The following KIR2DL4 variants were observed in gnomAD, a reference collection of about 807,000 sequenced individuals.
KIR2DL4 encodes the protein killer cell immunoglobulin-like receptor 2DL4.
Under a neutral mutation model 31.0 loss-of-function variants are expected in KIR2DL4, and 41 were observed. The observed-to-expected ratio is 1.32, with a 90% CI of 1.03 to 1.72. KIR2DL4 has a LOEUF of 1.72. Among genes scored for constraint, KIR2DL4 ranks in the 40% most tolerant of loss-of-function variants. KIR2DL4 has a pLI of 0.00. For synonymous variants in KIR2DL4, 164 were observed against 133.6 expected, an observed-to-expected ratio of 1.23 and a Z score of -1.57; for missense variants, 438 against 353.7, an observed-to-expected ratio of 1.24 and a Z score of -1.91.
chr19:54,812,631 T>G (rs2060930141), intron 5 of KIR2DL4, among the ~76,000 whole-genome samples: 1 of 150,362 alleles, frequency 6.7e-6, no homozygotes, highest in Non-Finnish European at 1.5e-5. Flanking sequence ...GGCCTCAGGC[T>G]GCTCCCACAC....
chr19:54,814,159 T>TC, exon 8 of KIR2DL4: 2 of 1,592,296 alleles, frequency 1.3e-6, no homozygotes, highest in Non-Finnish European at 1.7e-6. Flanking sequence ...ACACCACAAA[T>TC]CTGGTGCCTG....
At chr19:54,810,298 AT>A (rs145370691) in intron 5 of KIR2DL4, among the ~76,000 whole-genome samples, 2 of 148,306 alleles carry the variant, frequency 1.3e-5, no homozygotes, top group African/African-American at 2.5e-5. Flanking sequence ...TTTTTTTGGT[AT>A]TTTTTTTTAG....
exon 4 of KIR2DL4, chr19:54,806,196 C>T: frequency 3.1e-6 from 5 of 1,611,484 alleles, no homozygotes; most frequent in Non-Finnish European, 4.2e-6. Flanking sequence ...CCATGGATCT[C>T]CCTACGAGTG....
intron 2 of KIR2DL4, among the ~76,000 whole-genome samples, chr19:54,804,156 C>CTCATG (rs2060353412): frequency 7.3e-5 from 11 of 150,064 alleles, no homozygotes; most frequent in East Asian, 3.9e-4. Flanking sequence ...CTGGTATGCT[C>CTCATG]AGCCCTCTGT....
At chr19:54,804,829 G>T in exon 3 of KIR2DL4, 1 of 1,612,350 alleles carries the variant, frequency 6.2e-7, no homozygotes, top group Non-Finnish European at 8.5e-7. Context: ...GCCTGGCCCA[G>T]CGCTGTGGTG....
rs772895115 is a variant in KIR2DL4 at position 54,806,177 on chromosome 19, C to T, written c.588C>T (p.Phe196=). 47 of 1,611,576 alleles carry T rather than the reference C, an allele frequency of 2.9e-5. 2 individuals carry two copies. The highest frequency in any genetic ancestry group is 2.0e-4 in the East Asian group (9 of 44,852). Residue 196 remains phenylalanine, a synonymous_variant, in exon 4 of 8, where the codon TTC becomes TTT. Coordinates refer to ENST00000359085, the Ensembl canonical transcript of KIR2DL4. ...CCCACGGAGAGACCTACAGATGCTTCGGCTCTTTCCATGGATCTCCCTACG... is the reference window on the plus strand; with the variant it reads ...CCCACGGAGAGACCTACAGATGCTTTGGCTCTTTCCATGGATCTCCCTACG...
intron 5 of KIR2DL4, among the ~76,000 whole-genome samples, chr19:54,811,374 G>A (rs1031958317): frequency 1.3e-4 from 19 of 151,256 alleles, no homozygotes; most frequent in African/African-American, 4.4e-4. Flanking sequence ...CTGCACCCTA[G>A]GTGACAGAGT....
chr19:54,804,990 G>T (rs201505271), exon 3 of KIR2DL4: 19 of 1,611,690 alleles, frequency 1.2e-5, no homozygotes, highest in Non-Finnish European at 1.6e-5. Flanking sequence ...CCCAGCACAC[G>T]CAGGGACCTA....
intron 2 of KIR2DL4, among the ~76,000 whole-genome samples, chr19:54,804,262 G>T (rs1456006230): frequency 1.3e-5 from 2 of 151,016 alleles, no homozygotes; most frequent in Non-Finnish European, 2.9e-5. Context: ...TGGGGTGTGT[G>T]GGGGGATGTG....
At position 54,810,046 on chromosome 19, in the gene KIR2DL4, C is replaced by T. The variant is rs1288268598; in HGVS notation, c.706+1163C>T. Among the ~76,000 whole-genome samples the T allele has an allele frequency of 3.9e-4, 58 of 149,732 alleles. 2 individuals carry two copies. Among genetic ancestry groups the T allele is most frequent in the African/African-American group, 1.3e-3 (54 of 40,038 alleles). On this transcript the variant is annotated intron_variant, in intron 5 of 7. Coordinates refer to ENST00000359085, the Ensembl canonical transcript of KIR2DL4. ...TATTGCAAAGGATTAAATGGGAGGG[C>T]AGAAAATGAATGCACCAGTGGACCA...
chr19:54,810,032 A>T (rs1211122372), intron 5 of KIR2DL4, among the ~76,000 whole-genome samples: 16 of 149,786 alleles, frequency 1.1e-4, no homozygotes, highest in Non-Finnish European at 1.8e-4. Flanking sequence ...ATTGCAAAGG[A>T]TTAAATGGGA....
exon 3 of KIR2DL4, chr19:54,804,912 G>A (rs1308077858): frequency 3.1e-6 from 5 of 1,612,330 alleles, no homozygotes; most frequent in Non-Finnish European, 3.4e-6. Flanking sequence ...GTACAAGAAA[G>A]ATGGGGTCCC....
At chr19:54,809,598 T>C (rs1015105183) in intron 5 of KIR2DL4, among the ~76,000 whole-genome samples, 36 of 151,326 alleles carry the variant, frequency 2.4e-4, no homozygotes, top group Non-Finnish European at 4.9e-4. Flanking sequence ...TTCCTCACTT[T>C]TCCCAGCTCC....
chr19:54,804,319 G>A (rs1336982347), intron 2 of KIR2DL4, among the ~76,000 whole-genome samples: 2 of 150,704 alleles, frequency 1.3e-5, no homozygotes, highest in Non-Finnish European at 3.0e-5. Context: ...GGAACAGCAG[G>A]TCCTCTGAGG....
intron 4 of KIR2DL4, among the ~76,000 whole-genome samples, chr19:54,808,270 T>C: frequency 6.6e-6 from 1 of 150,856 alleles, no homozygotes; most frequent in East Asian, 1.9e-4. Flanking sequence ...TTAAACAAAA[T>C]GTCTTCCCTC....
chr19:54,806,148 G>T, exon 4 of KIR2DL4: 1 of 1,612,000 alleles, frequency 6.2e-7, no homozygotes, highest in African/African-American at 1.3e-5. Context: ...TCTGGGTCCT[G>T]CCACCCACGG....
intron 5 of KIR2DL4, among the ~76,000 whole-genome samples, chr19:54,812,416 A>G (rs1309433987): frequency 5.3e-5 from 8 of 151,410 alleles, no homozygotes; most frequent in African/African-American, 1.9e-4. Flanking sequence ...GCACTGCATG[A>G]TGTTCTCCTC....
Position 54,813,323 on chromosome 19 carries a change from C to T in KIR2DL4, c.810+95C>T, listed in dbSNP as rs1223493877. 5 of 1,560,522 alleles carry T rather than the reference C, an allele frequency of 3.2e-6. No individual in the cohort carries two copies. The African/African-American group carries it at 5.7e-5, about 18-fold the overall frequency. On this transcript the variant is annotated intron_variant, in intron 6 of 7. Transcript: ENST00000359085. The stretch of plus-strand genomic sequence containing the variant: ...GTGTGTTCCTCACTGGCAGGAAAGT[C>T]TCTGGCCCAAGGCAGGAGCCAGAGG...
At chr19:54,808,928 A>C (rs1276026671) in intron 5 of KIR2DL4, 45 bp downstream of exon 5, 22 of 1,483,082 alleles carry the variant, frequency 1.5e-5, no homozygotes, top group Non-Finnish European at 2.0e-5. Flanking sequence ...AAACCTGGGG[A>C]GGTAGAAGCC....
Sources: allele counts gnomAD v4.1 joint callset (sites outside exome capture counted in the v4.1 genomes callset), GRCh38; gene constraint gnomAD v4.1.1; transcripts MANE v1.5; gene names NCBI Gene and HGNC (gene_info 2026-07-23, HGNC 2026-07-21).